BIRC6: variants seen among roughly 807,000 people sequenced by gnomAD.
The protein encoded by BIRC6 is baculoviral IAP repeat containing 6.
Under a neutral mutation model 503.3 loss-of-function variants are expected in BIRC6, and 98 were observed. The ratio of observed to expected loss-of-function variants is 0.19; its 90% CI spans 0.17 to 0.23. The LOEUF (loss-of-function observed/expected upper bound fraction) is 0.23. BIRC6 is among the 10% of genes least tolerant of loss of function. The pLI, the probability that BIRC6 is intolerant of heterozygous loss-of-function variation, is 1.00. For missense variants in BIRC6, 5,360 were observed against 5,806.0 expected, an observed-to-expected ratio of 0.92 and a Z score of 2.50; for synonymous variants, 2,240 against 2,078.7, an observed-to-expected ratio of 1.08 and a Z score of -2.11.
intron 23 of BIRC6, among the ~76,000 whole-genome samples, chr2:32,461,566 A>G (rs1208012484): frequency 5.9e-5 from 9 of 151,760 alleles, no homozygotes; most frequent in Admixed American, 5.9e-4. Flanking sequence ...AGGGCACAGT[A>G]TGACTGCACT....
At chr2:32,460,245 G>GATATATATATATATATATATATATAT (rs1269564471) in intron 23 of BIRC6, among the ~76,000 whole-genome samples, 1 of 30,984 alleles carries the variant, frequency 3.2e-5, no homozygotes, top group African/African-American at 1.2e-4. Flanking sequence ...TCTCGTATAT[G>GATATATATATATATATATATATATAT]ATATATATAT....
At chr2:32,433,165 A>T (rs2044327849) in intron 12 of BIRC6, among the ~76,000 whole-genome samples, 1 of 152,204 alleles carries the variant, frequency 6.6e-6, no homozygotes, top group Non-Finnish European at 1.5e-5. Flanking sequence ...GGGTTTTTTC[A>T]TAATGAGTTT....
chr2:32,511,201 C>CTTTTTTTTTTTTTTTTTT, intron 53 of BIRC6, among the ~76,000 whole-genome samples: 19 of 48,588 alleles, frequency 3.9e-4, no homozygotes, highest in Non-Finnish European at 4.6e-4. Flanking sequence ...CTTTTCTTTT[C>CTTTTTTTTTTTTTTTTTT]TTTTTTTTTT....
chr2:32,461,057 C>CTTCTG (rs2047881541), intron 23 of BIRC6, among the ~76,000 whole-genome samples: 1 of 58,780 alleles, frequency 1.7e-5, no homozygotes, highest in African/African-American at 5.2e-5. Flanking sequence ...CTTCTCTTCT[C>CTTCTG]TTCTCTTCTG....
rs148863404 is a variant in BIRC6, at chr2:32,525,265, C to A, written c.11756-199C>A. On this transcript the variant is annotated intron_variant, in intron 58 of 73. Transcript: ENST00000421745. ...TTTTTACTTTTTAGGAAAATAGTTA[C>A]AGATGCAATGCCAAAATTATTTATT... is the stretch of plus-strand genomic sequence containing the variant. Among the ~76,000 whole-genome samples, 811 of 152,102 alleles carry A rather than the reference C, an allele frequency of 5.3e-3. 10 individuals are homozygous for A. Among genetic ancestry groups the A allele is most frequent in the African/African-American group, 0.018 (763 of 41,474 alleles).
At chr2:32,445,417 T>C in intron 20 of BIRC6, 104 bp from the exon 21 acceptor site, 2 of 1,170,634 alleles carry the variant, frequency 1.7e-6, no homozygotes, top group Non-Finnish European at 2.3e-6. Flanking sequence ...AGGGAGTATC[T>C]TTCTAGCAAA....
At chr2:32,513,778 G>A (rs903485736) in intron 54 of BIRC6, among the ~76,000 whole-genome samples, 17 of 152,122 alleles carry the variant, frequency 1.1e-4, no homozygotes, top group African/African-American at 2.4e-4. Flanking sequence ...GCGTGGTGGC[G>A]CGTGTCTGTA....
chr2:32,362,791 AT>A (rs558118361), intron 1 of BIRC6, among the ~76,000 whole-genome samples: 3,884 of 147,538 alleles, frequency 0.026, 138 homozygotes, highest in African/African-American at 0.084. Flanking sequence ...TGTCTTAAAA[AT>A]TTTTTTTTTT....
intron 1 of BIRC6, among the ~76,000 whole-genome samples, chr2:32,376,761 T>C (rs1295999164): frequency 2.6e-5 from 4 of 152,250 alleles, no homozygotes; most frequent in African/African-American, 9.6e-5. Context: ...TAATAAAGTT[T>C]AATTTAAAAT....
At chr2:32,611,108 C>CTTTTTT (rs1245765148) in intron 72 of BIRC6, among the ~76,000 whole-genome samples, 9 of 126,166 alleles carry the variant, frequency 7.1e-5, no homozygotes, top group Admixed American at 4.2e-4. Context: ...ATTAAATTGC[C>CTTTTTT]TTTTTTTTTT....
At chr2:32,438,011 C>T (rs977745542) in intron 15 of BIRC6, among the ~76,000 whole-genome samples, 1 of 152,040 alleles carries the variant, frequency 6.6e-6, no homozygotes. Context: ...AGGCTGGTCT[C>T]CAACTCCTGG....
At chr2:32,382,148 A>G (rs2037759485) in intron 3 of BIRC6, among the ~76,000 whole-genome samples, 1 of 152,240 alleles carries the variant, frequency 6.6e-6, no homozygotes, top group South Asian at 2.1e-4. Flanking sequence ...AGGAACAAAG[A>G]GTAGAGATTA....
At chr2:32,368,573 T>C (rs2035305953) in intron 1 of BIRC6, among the ~76,000 whole-genome samples, 1 of 151,924 alleles carries the variant, frequency 6.6e-6, no homozygotes, top group Non-Finnish European at 1.5e-5. Context: ...AAATAAAAAA[T>C]AAAACAGGAG....
Position 32,467,512 on chromosome 2 carries a change from C to G in BIRC6, c.5357-13C>G. ...ATATATTTTTGGTCAACTGTTTCTT[C>G]TTTCTCTCATAGGAGCAAGAAGATT... On this transcript the variant is annotated splice_polypyrimidine_tract_variant and intron_variant, in intron 26 of 73. Transcript: ENST00000421745. 1 of 1,609,114 alleles carries G rather than the reference C, an allele frequency of 6.2e-7. No individual in the cohort carries two copies. The highest frequency in any genetic ancestry group is 8.5e-7 in the Non-Finnish European group (1 of 1,176,176).
In BIRC6 at chr2:32,450,461, C is replaced by CA. The variant is rs377408462; in HGVS notation, c.4618+1544dup. On this transcript the variant is annotated intron_variant, in intron 22 of 73. Coordinates refer to ENST00000421745, the MANE Select transcript of BIRC6 (RefSeq NM_016252.4). ...CGGGCGAAAGAGTGAGACTCCGCCT[C>CA]AAAAAAAAAAATCATGATATGTCTC... Among the ~76,000 whole-genome samples the CA allele has an allele frequency of 5.3e-3, 774 of 145,400 alleles. 8 individuals are homozygous for CA. Among genetic ancestry groups the CA allele is most frequent in the African/African-American group, 0.017 (666 of 39,742 alleles).
chr2:32,454,719 G>A (rs192030344), intron 23 of BIRC6, among the ~76,000 whole-genome samples: 12 of 152,224 alleles, frequency 7.9e-5, no homozygotes, highest in South Asian at 2.1e-4. Flanking sequence ...TAGAGAAGTC[G>A]TGAAAAATAT....
At chr2:32,519,035 C>A in intron 57 of BIRC6, 89 bp downstream of exon 57, 1 of 1,306,556 alleles carries the variant, frequency 7.7e-7, no homozygotes, top group Non-Finnish European at 1.1e-6. Context: ...TTTTCTGCAT[C>A]CACTTTGCAA....
chr2:32,607,010 TA>T lies in BIRC6; in HGVS notation c.14071-429del, dbSNP rs776677243. Reference sequence around the variant, plus strand: ...TGACAAGAGTGAAACTCAGTCTTATTAAAAAAAAAAAAAAAATAGTACATGG... The same window carrying T: ...TGACAAGAGTGAAACTCAGTCTTATTAAAAAAAAAAAAAAATAGTACATGG... On this transcript the variant is annotated intron_variant, in intron 71 of 73. Coordinates refer to ENST00000421745, the MANE Select transcript of BIRC6 (RefSeq NM_016252.4). Among the ~76,000 whole-genome samples, 971 of 132,244 alleles carry T rather than the reference TA, an allele frequency of 7.3e-3. 7 individuals are homozygous for T. The highest frequency in any genetic ancestry group is 8.1e-3 in the Middle Eastern group (2 of 246). The allele number at this position is 132,244 out of a possible 152,430, so 86.8% of individuals were successfully genotyped here.
chr2:32,575,748 G>A (rs112108096), intron 66 of BIRC6, among the ~76,000 whole-genome samples: 6 of 151,582 alleles, frequency 4.0e-5, no homozygotes, highest in African/African-American at 1.5e-4. Context: ...CTGGGTGACA[G>A]AGCGAGACTC....
Sources: allele counts gnomAD v4.1 joint callset (sites outside exome capture counted in the v4.1 genomes callset), GRCh38; gene constraint gnomAD v4.1.1; transcripts MANE v1.5; gene names NCBI Gene and HGNC (gene_info 2026-07-23, HGNC 2026-07-21).